Variants in ZNF804B observed in about 807,000 individuals in gnomAD.
ZNF804B encodes the protein zinc finger 804B.
ZNF804B carries 80 observed loss-of-function variants against 101.4 expected under a neutral mutation model. The observed-to-expected ratio is 0.79, with a 90% CI of 0.66 to 0.95. ZNF804B has a LOEUF of 0.95. Among genes scored for constraint, ZNF804B ranks in the 40% least tolerant of loss-of-function variants. The pLI is 0.00. For synonymous variants in ZNF804B, 622 were observed against 558.8 expected, an observed-to-expected ratio of 1.11 and a Z score of -1.59; for missense variants, 1,673 against 1,561.9, an observed-to-expected ratio of 1.07 and a Z score of -1.20.
intron 1 of ZNF804B, among the ~76,000 whole-genome samples, chr7:89,095,577 A>T (rs1362758707): frequency 1.3e-5 from 2 of 152,210 alleles, no homozygotes; most frequent in Non-Finnish European, 1.5e-5. Flanking sequence ...GTCAGTGTAA[A>T]TCATCAGTAT....
intron 2 of ZNF804B, among the ~76,000 whole-genome samples, chr7:89,270,177 C>A (rs989647813): frequency 6.6e-6 from 1 of 152,136 alleles, no homozygotes; most frequent in African/African-American, 2.4e-5. Flanking sequence ...AGGTTTTCTT[C>A]TAGGGTTTGT....
intron 2 of ZNF804B, among the ~76,000 whole-genome samples, chr7:89,270,912 A>G (rs1320489589): frequency 6.6e-6 from 1 of 152,132 alleles, no homozygotes; most frequent in African/African-American, 2.4e-5. Context: ...TTGTACATTG[A>G]TTTTGTATCC....
At chr7:89,271,103 G>T (rs1789886948) in intron 2 of ZNF804B, among the ~76,000 whole-genome samples, 1 of 152,182 alleles carries the variant, frequency 6.6e-6, no homozygotes, top group African/African-American at 2.4e-5. Flanking sequence ...CCAACACTAT[G>T]TTGAACAGGT....
At position 89,324,122 on chromosome 7, in the gene ZNF804B, G is replaced by A. The variant is rs78424760; in HGVS notation, c.250-3222G>A. On this transcript the variant is annotated intron_variant, in intron 2 of 3. Transcript: ENST00000333190. ...TTATAAGAGATACAATCACTTTGGT[G>A]TAACGTTTTCCGTAAGTATTGGATT... Among the ~76,000 whole-genome samples, 269 of 151,100 alleles carry A rather than the reference G, an allele frequency of 1.8e-3. 4 individuals carry two copies. In the East Asian group the frequency reaches 0.049, roughly 28 times the overall value.
chr7:88,989,429 G>A (rs376209165), intron 1 of ZNF804B, among the ~76,000 whole-genome samples: 11 of 152,110 alleles, frequency 7.2e-5, no homozygotes, highest in African/African-American at 2.2e-4. Flanking sequence ...GCATCATAGT[G>A]CTTGTCCAAC....
At chr7:89,223,512 A>C (rs1301350905) in intron 2 of ZNF804B, among the ~76,000 whole-genome samples, 2 of 151,866 alleles carry the variant, frequency 1.3e-5, no homozygotes, top group Non-Finnish European at 2.9e-5. Context: ...ACACAACTTC[A>C]AGAAATAAAG....
chr7:88,936,174 C>T (rs996124745), intron 1 of ZNF804B, among the ~76,000 whole-genome samples: 1 of 151,514 alleles, frequency 6.6e-6, no homozygotes, highest in African/African-American at 2.4e-5. Flanking sequence ...TTGGAAAGCA[C>T]TTTAAGAATA....
Position 89,255,771 on chromosome 7 carries a change from A to G in ZNF804B, c.249+37476A>G, listed in dbSNP as rs529356789. Among the ~76,000 whole-genome samples, 263 of 152,296 alleles carry G rather than the reference A, an allele frequency of 1.7e-3. 1 individual carries two copies. Among genetic ancestry groups the G allele is most frequent in the African/African-American group, 6.1e-3 (254 of 41,582 alleles). On this transcript the variant is annotated intron_variant, in intron 2 of 3. Transcript: ENST00000333190. Reference sequence around the variant, plus strand: ...AAACCAAAAACTTTACAGAGAGGGAAATATAAGTAATAATCTGTAAAAAAG... The same window carrying G: ...AAACCAAAAACTTTACAGAGAGGGAGATATAAGTAATAATCTGTAAAAAAG...
intron 1 of ZNF804B, among the ~76,000 whole-genome samples, chr7:89,011,865 G>A (rs1304018406): frequency 6.6e-6 from 1 of 152,088 alleles, no homozygotes; most frequent in Non-Finnish European, 1.5e-5. Flanking sequence ...TCTGGATTAT[G>A]GTGGGCCTCT....
intron 1 of ZNF804B, among the ~76,000 whole-genome samples, chr7:89,207,358 C>G (rs1288077107): frequency 6.6e-6 from 1 of 152,220 alleles, no homozygotes; most frequent in Non-Finnish European, 1.5e-5. Flanking sequence ...AAGGTCACAT[C>G]TCACATGCCT....
chr7:88,964,489 A>G (rs1377793035), intron 1 of ZNF804B, among the ~76,000 whole-genome samples: 1 of 151,502 alleles, frequency 6.6e-6, no homozygotes, highest in Non-Finnish European at 1.5e-5. Context: ...TCATAAAGAC[A>G]GAAAGTAGGA....
intron 1 of ZNF804B, among the ~76,000 whole-genome samples, chr7:89,096,168 A>G (rs961298630): frequency 9.2e-5 from 14 of 151,990 alleles, no homozygotes; most frequent in East Asian, 3.9e-4. Context: ...AAAAAAAAAA[A>G]AAAGAAAATC....
At chr7:89,159,937 A>T (rs1362696557) in intron 1 of ZNF804B, among the ~76,000 whole-genome samples, 5 of 152,148 alleles carry the variant, frequency 3.3e-5, no homozygotes, top group Non-Finnish European at 7.4e-5. Flanking sequence ...AGGAAAGAAG[A>T]GTCCACTCAC....
rs141660464 is a variant in ZNF804B at position 88,969,231 on chromosome 7, A to G, written c.108+209147A>G. ...CTTCATTTAGTTAATAATAATAAAGATTCTGGGAGTCTTAGTCACTCTCTT... is the reference window on the plus strand; with the variant it reads ...CTTCATTTAGTTAATAATAATAAAGGTTCTGGGAGTCTTAGTCACTCTCTT... On this transcript the variant is annotated intron_variant, in intron 1 of 3. Transcript: ENST00000333190. Among the ~76,000 whole-genome samples, 525 of 151,716 alleles carry G rather than the reference A, an allele frequency of 3.5e-3. 5 individuals are homozygous for G. The highest frequency in any genetic ancestry group is 0.02 in the East Asian group (104 of 5,092).
chr7:88,927,558 C>G (rs150738853), intron 1 of ZNF804B, among the ~76,000 whole-genome samples: 2 of 152,160 alleles, frequency 1.3e-5, no homozygotes, highest in African/African-American at 4.8e-5. Context: ...TGCCTTATCC[C>G]TGTCCTTAAG....
intron 1 of ZNF804B, among the ~76,000 whole-genome samples, chr7:88,777,099 A>G (rs1328197710): frequency 6.6e-6 from 1 of 151,924 alleles, no homozygotes; most frequent in Admixed American, 6.6e-5. Context: ...TGCTGCTGAA[A>G]CCACCTGACC....
Position 89,335,965 on chromosome 7 carries a change from A to C in ZNF804B, c.2983A>C (p.Ser995Arg), listed in dbSNP as rs200828576. The change falls in exon 4 of 4, where the codon AGT becomes CGT. Residue 995 changes from serine (S) to arginine (R), a missense_variant. Transcript: ENST00000333190. ...AAGTGAGAGCAGAAATGATCAAGAC[A>C]GTGCAATTCCAAGGACTACGGAGAA... ...YASESRNDQDSAIPRTTEKDK... is the reference protein window; with the variant it reads ...YASESRNDQDRAIPRTTEKDK... 1.7e-5 allele frequency: 27 copies of C among 1,614,122 alleles called. No individual in the cohort carries two copies. The African/African-American group carries it at 2.7e-4, about 16-fold the overall frequency.
At chr7:89,187,129 A>G (rs1422183383) in intron 1 of ZNF804B, among the ~76,000 whole-genome samples, 1 of 152,148 alleles carries the variant, frequency 6.6e-6, no homozygotes, top group South Asian at 2.1e-4. Flanking sequence ...TTAATCTTTA[A>G]CACTAGACTT....
chr7:89,298,008 A>G (rs1790410401), intron 2 of ZNF804B, among the ~76,000 whole-genome samples: 2 of 146,402 alleles, frequency 1.4e-5, no homozygotes, highest in Admixed American at 6.9e-5. Context: ...TAGTTCCTCT[A>G]ATCTAGAACA....
Sources: allele counts gnomAD v4.1 joint callset (sites outside exome capture counted in the v4.1 genomes callset), GRCh38; gene constraint gnomAD v4.1.1; transcripts MANE v1.5; gene names NCBI Gene and HGNC (gene_info 2026-07-23, HGNC 2026-07-21).